The following EPHA3 variants were observed in gnomAD, a reference collection of about 807,000 sequenced individuals.
EPHA3 encodes EPH receptor A3, also known as ephrin type-A receptor 3.
Under a neutral mutation model 107.1 loss-of-function variants are expected in EPHA3, and 42 were observed. That is an observed-to-expected ratio of 0.39 (90% confidence interval 0.31 to 0.51). The LOEUF (loss-of-function observed/expected upper bound fraction) is 0.51. Ranked by LOEUF, EPHA3 falls within the 20% of genes least tolerant of loss-of-function variation. The pLI, the probability that EPHA3 is intolerant of heterozygous loss-of-function variation, is 0.78. For missense variants in EPHA3, 1,183 were observed against 1,211.2 expected (o/e 0.98, Z 0.35); for synonymous variants, 461 against 424.8 (o/e 1.09, Z -1.05).
At chr3:89,179,853 C>A (rs1304537036) in intron 2 of EPHA3, among the ~76,000 whole-genome samples, 2 of 151,810 alleles carry the variant, frequency 1.3e-5, no homozygotes, top group East Asian at 1.9e-4. Context: ...TGGTGAAAAA[C>A]CCTCTCATGT....
At chr3:89,117,706 C>A (rs559565928) in intron 1 of EPHA3, among the ~76,000 whole-genome samples, 2 of 152,004 alleles carry the variant, frequency 1.3e-5, no homozygotes, top group East Asian at 1.9e-4. Flanking sequence ...CTCATTATGG[C>A]ATAATTTTTT....
chr3:89,442,653 C>T (rs1709807805), intron 13 of EPHA3, among the ~76,000 whole-genome samples: 1 of 152,154 alleles, frequency 6.6e-6, no homozygotes, highest in African/African-American at 2.4e-5. Flanking sequence ...AGGTTCCCAT[C>T]ATGTGCAAAG....
chr3:89,359,961 C>T lies in EPHA3; in HGVS notation c.1306+17871C>T, dbSNP rs374417740. ...TGTACTGTACTGTACTGGGCATTTT[C>T]GAGATATCATTTAAGCCTTAAATCA... On this transcript the variant is annotated intron_variant, in intron 5 of 16. Coordinates refer to ENST00000336596, the MANE Select transcript of EPHA3 (RefSeq NM_005233.6). 9.1e-4 allele frequency among the ~76,000 whole-genome samples: 136 copies of T among 149,524 alleles called. 3 individuals are homozygous for T. In the South Asian group the frequency reaches 0.016, roughly 18 times the overall value.
chr3:89,266,941 C>T (rs188002546), intron 3 of EPHA3, among the ~76,000 whole-genome samples: 16 of 152,054 alleles, frequency 1.1e-4, no homozygotes, highest in African/African-American at 3.9e-4. Context: ...AGGGCTAAAA[C>T]CTCTGAAAGT....
Position 89,450,380 on chromosome 3 carries a change from T to G in EPHA3, c.2690+10T>G. ...CCAGTGCAGCCGCAAGGTGACACAT[T>G]CAATTTGTTATCTGGCATTCACTCT... On this transcript the variant is annotated intron_variant, in intron 15 of 16. Coordinates refer to ENST00000336596, the MANE Select transcript of EPHA3 (RefSeq NM_005233.6). The G allele has an allele frequency of 6.2e-7, 1 of 1,602,256 alleles. No individual in the cohort carries two copies. Among genetic ancestry groups the G allele is most frequent in the Non-Finnish European group, 8.5e-7 (1 of 1,172,852 alleles).
intron 3 of EPHA3, among the ~76,000 whole-genome samples, chr3:89,245,554 A>G (rs1029118614): frequency 1.3e-5 from 2 of 152,222 alleles, no homozygotes; most frequent in African/African-American, 4.8e-5. Flanking sequence ...AGAAATTTAA[A>G]GATTCCTTAT....
At chr3:89,327,253 C>A (rs1187547666) in intron 3 of EPHA3, among the ~76,000 whole-genome samples, 1 of 152,070 alleles carries the variant, frequency 6.6e-6, no homozygotes, top group African/African-American at 2.4e-5. Flanking sequence ...CAATTTTCAA[C>A]TGAATATAGC....
At chr3:89,232,726 CT>C (rs1188306945) in intron 3 of EPHA3, among the ~76,000 whole-genome samples, 2 of 152,140 alleles carry the variant, frequency 1.3e-5, no homozygotes, top group Non-Finnish European at 2.9e-5. Context: ...GCCTCTCAAA[CT>C]TGGTAATATT....
chr3:89,300,571 A>G (rs1194443460), intron 3 of EPHA3, among the ~76,000 whole-genome samples: 2 of 152,054 alleles, frequency 1.3e-5, no homozygotes, highest in African/African-American at 4.8e-5. Flanking sequence ...ATTTTTATTT[A>G]GATTATCTCA....
At chr3:89,408,188 T>C (rs553204733) in intron 9 of EPHA3, 57 bp downstream of exon 9, 9 of 1,552,542 alleles carry the variant, frequency 5.8e-6, no homozygotes, top group Admixed American at 1.7e-5. Context: ...TTAGCAGTTA[T>C]TGATTTACAA....
Position 89,352,095 on chromosome 3 carries a change from A to G in EPHA3, c.1306+10005A>G, listed in dbSNP as rs147812362. Reference sequence around the variant, plus strand: ...TGACTTCATTTTATGTAGATTTTCGATAGAAGGTGCACTAATTTATGTAAA... The same window carrying G: ...TGACTTCATTTTATGTAGATTTTCGGTAGAAGGTGCACTAATTTATGTAAA... On this transcript the variant is annotated intron_variant, in intron 5 of 16. Coordinates refer to ENST00000336596, the MANE Select transcript of EPHA3 (RefSeq NM_005233.6). 3.6e-3 allele frequency among the ~76,000 whole-genome samples: 548 copies of G among 151,334 alleles called. 7 individuals are homozygous for G. The highest frequency in any genetic ancestry group is 0.012 in the African/African-American group (514 of 41,462).
chr3:89,207,544 CAA>C (rs566258589), intron 2 of EPHA3, among the ~76,000 whole-genome samples: 1 of 151,306 alleles, frequency 6.6e-6, no homozygotes, highest in Non-Finnish European at 1.5e-5. Context: ...ACAAACAAAG[CAA>C]AAAACACACA....
intron 2 of EPHA3, among the ~76,000 whole-genome samples, chr3:89,197,882 G>T (rs894012138): frequency 6.6e-6 from 1 of 151,948 alleles, no homozygotes; most frequent in African/African-American, 2.4e-5. Flanking sequence ...AGGCTGAGGG[G>T]GGAGAATCGC....
At chr3:89,399,984 T>C in intron 7 of EPHA3, 1 of 1,044,414 alleles carries the variant, frequency 9.6e-7, no homozygotes, top group East Asian at 5.7e-5. Flanking sequence ...GAATAGCCTG[T>C]TCCTTTAACC....
intron 3 of EPHA3, among the ~76,000 whole-genome samples, chr3:89,232,091 C>T (rs770465269): frequency 1.3e-5 from 2 of 151,956 alleles, no homozygotes; most frequent in Non-Finnish European, 2.9e-5. Context: ...AGAAGGTGCC[C>T]TTTCTGCTTG....
At chr3:89,257,278 C>A (rs147697244) in intron 3 of EPHA3, among the ~76,000 whole-genome samples, 1 of 152,118 alleles carries the variant, frequency 6.6e-6, no homozygotes, top group East Asian at 1.9e-4. Context: ...ACCTTGATAA[C>A]GTTAAAAAAT....
At chr3:89,306,750 G>C (rs1706632383) in intron 3 of EPHA3, among the ~76,000 whole-genome samples, 1 of 152,128 alleles carries the variant, frequency 6.6e-6, no homozygotes, top group East Asian at 1.9e-4. Context: ...ATTTGGATCT[G>C]TTTGGTCAGA....
chr3:89,414,031 A>G (rs1024202892), intron 10 of EPHA3, among the ~76,000 whole-genome samples: 22 of 151,660 alleles, frequency 1.5e-4, no homozygotes, highest in African/African-American at 5.1e-4. Context: ...ATTTTGTACC[A>G]TCATCTAATC....
At chr3:89,130,105 G>A (rs1462059141) in intron 2 of EPHA3, among the ~76,000 whole-genome samples, 1 of 152,142 alleles carries the variant, frequency 6.6e-6, no homozygotes, top group Admixed American at 6.5e-5. Flanking sequence ...ATTTGGCAAT[G>A]TTTGAAGACT....
Sources: allele counts gnomAD v4.1 joint callset (sites outside exome capture counted in the v4.1 genomes callset), GRCh38; gene constraint gnomAD v4.1.1; transcripts MANE v1.5; gene names NCBI Gene and HGNC (gene_info 2026-07-23, HGNC 2026-07-21).